Variants in FOXP2 observed in about 807,000 individuals in gnomAD.
FOXP2 encodes forkhead box P2, also known as forkhead box protein P2.
A neutral mutation model predicts 115.8 loss-of-function variants in FOXP2; 12 were observed. That is an observed-to-expected ratio of 0.10 (90% CI 0.07 to 0.17). The LOEUF (loss-of-function observed/expected upper bound fraction) is 0.17, where lower values mean the gene tolerates loss of function less well. Ranked by LOEUF, FOXP2 falls within the 10% of genes least tolerant of loss-of-function variation. The pLI, the probability that FOXP2 is intolerant of heterozygous loss-of-function variation, is 1.00. For synonymous variants in FOXP2, 328 were observed against 297.7 expected (o/e 1.10, Z -1.05); for missense variants, 629 against 843.5 (o/e 0.75, Z 3.15).
intron 2 of FOXP2, among the ~76,000 whole-genome samples, chr7:114,473,937 A>G (rs2129232285): frequency 1.3e-5 from 2 of 152,258 alleles, no homozygotes; most frequent in Middle Eastern, 6.8e-3. Flanking sequence ...AAATATGGCC[A>G]TTGCCATCTT....
At chr7:114,586,416 T>G (rs557145466) in intron 3 of FOXP2, among the ~76,000 whole-genome samples, 1 of 152,078 alleles carries the variant, frequency 6.6e-6, no homozygotes, top group Admixed American at 6.6e-5. Flanking sequence ...TTTAGTAATT[T>G]TACTCTTCTA....
At chr7:114,172,591 G>A (rs1467332427) in intron 1 of FOXP2, among the ~76,000 whole-genome samples, 2 of 152,096 alleles carry the variant, frequency 1.3e-5, no homozygotes, top group Non-Finnish European at 2.9e-5. Context: ...CTGGGTTTGT[G>A]TTGGGGTTGT....
intron 3 of FOXP2, among the ~76,000 whole-genome samples, chr7:114,545,007 C>T (rs939913526): frequency 5.3e-5 from 8 of 152,032 alleles, no homozygotes; most frequent in Non-Finnish European, 1.0e-4. Context: ...TCCCAGACTA[C>T]TGAATTAAAA....
intron 1 of FOXP2, among the ~76,000 whole-genome samples, chr7:114,193,909 A>C (rs1358076541): frequency 6.6e-6 from 1 of 152,148 alleles, no homozygotes; most frequent in East Asian, 1.9e-4. Flanking sequence ...AGTTTGCTTC[A>C]ATACATAAAA....
At chr7:114,330,740 C>T (rs1797688050) in intron 2 of FOXP2, among the ~76,000 whole-genome samples, 1 of 151,736 alleles carries the variant, frequency 6.6e-6, no homozygotes, top group Non-Finnish European at 1.5e-5. Context: ...TATTTAGTCT[C>T]AATAAAGATA....
intron 2 of FOXP2, among the ~76,000 whole-genome samples, chr7:114,402,814 G>A (rs982712381): frequency 6.6e-6 from 1 of 151,916 alleles, no homozygotes; most frequent in African/African-American, 2.4e-5. Flanking sequence ...TTGTTTGTTT[G>A]TTTGGTAATG....
chr7:114,152,109 A>T (rs930667936), intron 1 of FOXP2, among the ~76,000 whole-genome samples: 5 of 152,168 alleles, frequency 3.3e-5, no homozygotes, highest in Non-Finnish European at 5.9e-5. Flanking sequence ...TTATCCCAGC[A>T]AGTAGGATTA....
At chr7:114,336,247 A>G (rs1797852447) in intron 2 of FOXP2, among the ~76,000 whole-genome samples, 1 of 151,410 alleles carries the variant, frequency 6.6e-6, no homozygotes, top group Admixed American at 6.6e-5. Flanking sequence ...TCTCGGGGGG[A>G]AAACATACAT....
intron 2 of FOXP2, among the ~76,000 whole-genome samples, chr7:114,526,902 C>T (rs1238025054): frequency 6.6e-6 from 1 of 151,904 alleles, no homozygotes; most frequent in Non-Finnish European, 1.5e-5. Flanking sequence ...AATTCCAGAA[C>T]ATTCTCATCA....
chr7:114,579,522 C>G (rs1801732759), intron 3 of FOXP2, among the ~76,000 whole-genome samples: 1 of 152,030 alleles, frequency 6.6e-6, no homozygotes, highest in Admixed American at 6.6e-5. Context: ...CTTTCCCTAC[C>G]TTCTGCTTCT....
At chr7:114,205,089 AT>A (rs1387478082) in intron 1 of FOXP2, among the ~76,000 whole-genome samples, 4 of 152,122 alleles carry the variant, frequency 2.6e-5, no homozygotes, top group African/African-American at 9.7e-5. Flanking sequence ...GATTTCAGAG[AT>A]TTAAAAGTGA....
intron 2 of FOXP2, among the ~76,000 whole-genome samples, chr7:114,373,075 C>T (rs1441032379): frequency 1.3e-5 from 2 of 152,132 alleles, no homozygotes; most frequent in African/African-American, 2.4e-5. Flanking sequence ...TCACTGCAAG[C>T]TCCACCTCCC....
chr7:114,118,700 C>T (rs1297414653), intron 1 of FOXP2, among the ~76,000 whole-genome samples: 1 of 152,028 alleles, frequency 6.6e-6, no homozygotes, highest in African/African-American at 2.4e-5. Flanking sequence ...CGTAATTTTG[C>T]TGGATGCCAG....
intron 1 of FOXP2, among the ~76,000 whole-genome samples, chr7:114,093,972 T>C (rs1472005687): frequency 1.3e-5 from 2 of 152,138 alleles, no homozygotes; most frequent in Non-Finnish European, 2.9e-5. Context: ...TAAGTGTATG[T>C]AAATATTTCT....
intron 1 of FOXP2, among the ~76,000 whole-genome samples, chr7:114,140,170 AC>A (rs1439941878): frequency 1.3e-5 from 2 of 152,276 alleles, no homozygotes; most frequent in African/African-American, 4.8e-5. Flanking sequence ...AATCCTGCAG[AC>A]TTTTGTTGTG....
intron 1 of FOXP2, among the ~76,000 whole-genome samples, chr7:114,243,263 A>G (rs901770869): frequency 1.9e-5 from 1 of 51,454 alleles, no homozygotes; most frequent in African/African-American, 1.3e-4. Flanking sequence ...CATGAGCCAG[A>G]AAAAAAAAAA....
At chr7:114,663,618 A>G in intron 15 of FOXP2, 99 bp downstream of exon 15, 13 of 941,822 alleles carry the variant, frequency 1.4e-5, no homozygotes, top group Non-Finnish European at 2.2e-5. Flanking sequence ...ATTGTTCTTA[A>G]TAGTTGGTTT....
At chr7:114,369,612 G>C (rs1168312193) in intron 2 of FOXP2, among the ~76,000 whole-genome samples, 1 of 151,906 alleles carries the variant, frequency 6.6e-6, no homozygotes, top group South Asian at 2.1e-4. Context: ...AAACAGTCAT[G>C]ATATACAAAA....
At chr7:114,336,948 A>G (rs547993515) in intron 2 of FOXP2, among the ~76,000 whole-genome samples, 2 of 151,676 alleles carry the variant, frequency 1.3e-5, no homozygotes, top group Admixed American at 6.6e-5. Flanking sequence ...TAATAATTCA[A>G]TTAAATAAGT....
Sources: allele counts gnomAD v4.1 joint callset (sites outside exome capture counted in the v4.1 genomes callset), GRCh38; gene constraint gnomAD v4.1.1; transcripts MANE v1.5; gene names NCBI Gene and HGNC (gene_info 2026-07-23, HGNC 2026-07-21).